TWF2: variants seen among roughly 807,000 people sequenced by gnomAD.
TWF2 encodes twinfilin actin binding protein 2, also known as twinfilin-2.
A neutral mutation model predicts 45.1 loss-of-function variants in TWF2; 15 were observed. The ratio of observed to expected loss-of-function variants is 0.33; its 90% CI spans 0.22 to 0.51. The LOEUF (loss-of-function observed/expected upper bound fraction) is 0.51. Among genes scored for constraint, TWF2 ranks in the 20% least tolerant of loss-of-function variants. The pLI, the probability that TWF2 is intolerant of heterozygous loss-of-function variation, is 0.97. For synonymous variants in TWF2, 177 were observed against 195.8 expected (o/e 0.90, Z 0.80); for missense variants, 423 against 469.1 (o/e 0.90, Z 0.91).
intron 2 of TWF2, among the ~76,000 whole-genome samples, chr3:52,234,124 C>G (rs984645277): frequency 1.3e-5 from 2 of 152,134 alleles, no homozygotes; most frequent in Admixed American, 1.3e-4. Flanking sequence ...GGGCAAAGCA[C>G]TGCCAAGGCC....
At chr3:52,235,938 C>T (rs1456232220) in intron 1 of TWF2, among the ~76,000 whole-genome samples, 5 of 152,154 alleles carry the variant, frequency 3.3e-5, no homozygotes, top group African/African-American at 7.2e-5. Flanking sequence ...GGGGGGACAA[C>T]ATGACCTTAA....
rs775532389 is a variant in TWF2 at position 52,230,056 on chromosome 3, C to T, written c.624G>A (p.Glu208=). 6.9e-6 allele frequency: 11 copies of T among 1,595,042 alleles called. No individual in the cohort carries two copies. The South Asian group carries it at 1.0e-4, about 15-fold the overall frequency. The change falls in exon 7 of 9, where the codon GAG becomes GAA. Residue 208 remains glutamate, a synonymous_variant. Coordinates refer to ENST00000305533, the MANE Select transcript of TWF2 (RefSeq NM_007284.4). ...TGTGCACCAGCTCAATGGTTTCCCG[C>T]TCTAGGTCCAGCTTCTGCCCAGGGC... ...VNYIQMKLDL[E]RETIELVHTE...
chr3:52,236,450 A>G (rs1435863371), intron 1 of TWF2, among the ~76,000 whole-genome samples: 3 of 152,164 alleles, frequency 2.0e-5, no homozygotes, highest in African/African-American at 7.2e-5. Flanking sequence ...ACTAGTGGAC[A>G]GGGAAACCAC....
At position 52,231,235 on chromosome 3, in the gene TWF2, C is replaced by A. The variant is rs757285568; in HGVS notation, c.379-4G>T. On this transcript the variant is annotated splice_polypyrimidine_tract_variant and splice_region_variant and intron_variant, in intron 4 of 8. Coordinates refer to ENST00000305533, the MANE Select transcript of TWF2 (RefSeq NM_007284.4). ...ACCCAGCAAAAGAGAGGTCATCCTGCAGGGGTGGGGGTGAATGCAGAGCCA... is the reference window on the plus strand; with the variant it reads ...ACCCAGCAAAAGAGAGGTCATCCTGAAGGGGTGGGGGTGAATGCAGAGCCA... 4.3e-6 allele frequency: 7 copies of A among 1,613,944 alleles called. No individual in the cohort carries two copies. The highest frequency in any genetic ancestry group is 1.7e-4 in the Middle Eastern group (1 of 6,056).
intron 6 of TWF2, 148 bp downstream of exon 6, chr3:52,230,721 TG>T: frequency 2.4e-6 from 3 of 1,240,536 alleles, no homozygotes; most frequent in Non-Finnish European, 3.3e-6. Context: ...AGGGGTGGGG[TG>T]GACCATGTGT....
At position 52,229,641 on chromosome 3, in the gene TWF2, G is replaced by A. The variant is rs377341844; in HGVS notation, c.882+20C>T. The A allele has an allele frequency of 3.4e-5, 55 of 1,612,584 alleles. No homozygotes were observed. In the African/African-American group the frequency reaches 5.6e-4, roughly 16 times the overall value. On this transcript the variant is annotated intron_variant, in intron 8 of 8. Coordinates refer to ENST00000305533, the MANE Select transcript of TWF2 (RefSeq NM_007284.4). ...GAGTGATAGGGCCTGGGGAGGTGAG[G>A]CCCTGGGGAGGGCGCCTACTTTCTT... is the stretch of plus-strand genomic sequence containing the variant.
In TWF2 at chr3:52,229,211, G is replaced by A. The variant is rs369522681; in HGVS notation, c.883-10C>T. On this transcript the variant is annotated splice_polypyrimidine_tract_variant and intron_variant, in intron 8 of 8. Coordinates refer to ENST00000305533, the MANE Select transcript of TWF2 (RefSeq NM_007284.4). ...CATCGCCAATCTCAATCTGCATGGG[G>A]CAAGGCAGTGGTCACCCCAATGGGA... 9 of 1,608,932 alleles carry A rather than the reference G, an allele frequency of 5.6e-6. No individual in the cohort carries two copies. Among genetic ancestry groups the A allele is most frequent in the Middle Eastern group, 1.8e-4 (1 of 5,462 alleles).
chr3:52,238,736 C>G (rs532179972), intron 1 of TWF2, among the ~76,000 whole-genome samples: 43 of 152,334 alleles, frequency 2.8e-4, no homozygotes, highest in African/African-American at 1.0e-3. Flanking sequence ...TGGGCACACA[C>G]AGCCACATTC....
At chr3:52,229,857 C>A in intron 7 of TWF2, 63 bp downstream of exon 7, 2 of 1,594,218 alleles carry the variant, frequency 1.3e-6, no homozygotes, top group South Asian at 2.2e-5. Context: ...AGGCCTGCCC[C>A]ACTGCAGACC....
At chr3:52,233,142 C>A (rs143318659) in intron 2 of TWF2, among the ~76,000 whole-genome samples, 11 of 152,350 alleles carry the variant, frequency 7.2e-5, no homozygotes, top group Non-Finnish European at 4.4e-5. Context: ...CATCTGGGCA[C>A]CAGACACCAG....
chr3:52,235,568 C>G (rs1043991409), intron 1 of TWF2, among the ~76,000 whole-genome samples: 17 of 152,168 alleles, frequency 1.1e-4, no homozygotes, highest in Non-Finnish European at 2.4e-4. Context: ...ACACACAGCT[C>G]AATCCAGCAT....
At chr3:52,234,230 T>C (rs11717574) in intron 2 of TWF2, among the ~76,000 whole-genome samples, 27,024 of 152,102 alleles carry the variant, frequency 0.18, 2,984 homozygotes, top group African/African-American at 0.3. Flanking sequence ...CCAAAGTGCC[T>C]GCTGCTGAAT....
In TWF2 at chr3:52,232,844, C is replaced by G. The variant is rs550510621; in HGVS notation, c.104-722G>C. 5.3e-5 allele frequency among the ~76,000 whole-genome samples: 8 copies of G among 152,270 alleles called. No homozygotes were observed. The South Asian group carries it at 1.7e-3, about 32-fold the overall frequency. On this transcript the variant is annotated intron_variant, in intron 2 of 8. Coordinates refer to ENST00000305533, the MANE Select transcript of TWF2 (RefSeq NM_007284.4). ...CCACCCTGACCAACATGGAGAAACC[C>G]CGTCTCTACTAAAAATACAAAATTA... is the stretch of plus-strand genomic sequence containing the variant.
Position 52,229,703 on chromosome 3 carries a change from G to C in TWF2, c.840C>G (p.Leu280=), listed in dbSNP as rs559788903. 1 of 1,613,284 alleles carries C rather than the reference G, an allele frequency of 6.2e-7. No individual in the cohort carries two copies. The highest frequency in any genetic ancestry group is 2.2e-5 in the East Asian group (1 of 44,900). Residue 280 remains leucine (L), a synonymous_variant, in exon 8 of 9, where the codon CTC becomes CTG. Coordinates refer to ENST00000305533, the MANE Select transcript of TWF2 (RefSeq NM_007284.4). The stretch of plus-strand genomic sequence containing the variant: ...GATGGAAGTCCTGCTCCACGGAGTC[G>C]AGGAGGCGGCTCTTGCAGCTGGAGT... ...MLYSSCKSRL[L]DSVEQDFHLE...
rs1353477277 is a variant in TWF2, at chr3:52,230,851, G to A, written c.609+19C>T. On this transcript the variant is annotated intron_variant, in intron 6 of 8. Coordinates refer to ENST00000305533, the MANE Select transcript of TWF2 (RefSeq NM_007284.4). Reference sequence around the variant, plus strand: ...AGGGGTGGTGGCAGCATGTGCCAGGGTAGGGAGCAGGCACCCACCATCTGG... The same window carrying A: ...AGGGGTGGTGGCAGCATGTGCCAGGATAGGGAGCAGGCACCCACCATCTGG... 4 of 1,609,178 alleles carry A rather than the reference G, an allele frequency of 2.5e-6. No homozygotes were observed. Among genetic ancestry groups the A allele is most frequent in the East Asian group, 4.5e-5 (2 of 44,746 alleles).
rs1400783654 is a variant in TWF2 at position 52,239,021 on chromosome 3, C to A, written c.-5G>T. The A allele has an allele frequency of 1.3e-6, 2 of 1,595,390 alleles. No individual in the cohort carries two copies. The highest frequency in any genetic ancestry group is 4.5e-5 in the East Asian group (2 of 44,746). On this transcript the variant is annotated 5_prime_UTR_variant, in exon 1 of 9. Coordinates refer to ENST00000305533, the MANE Select transcript of TWF2 (RefSeq NM_007284.4). ...GATGCCCGTTTGGTGCGCCATGGCT[C>A]GGCGCTTCGCTCCGTCCGCGCCGTC...
At chr3:52,231,713 C>T (rs1449977633) in intron 3 of TWF2, among the ~76,000 whole-genome samples, 174 bp from the exon 4 acceptor site, 1 of 152,216 alleles carries the variant, frequency 6.6e-6, no homozygotes, top group Non-Finnish European at 1.5e-5. Flanking sequence ...AGCCCTCGTC[C>T]AGCCTGATCA....
chr3:52,231,545 G>A lies in TWF2; in HGVS notation c.283-6C>T. Reference sequence around the variant, plus strand: ...TACAGCATCTTCAGCCGCACCTGAAGGGCAAGGGCCAAACCGTAAGAGGCC... The same window carrying A: ...TACAGCATCTTCAGCCGCACCTGAAAGGCAAGGGCCAAACCGTAAGAGGCC... On this transcript the variant is annotated splice_region_variant and splice_polypyrimidine_tract_variant and intron_variant, in intron 3 of 8. Coordinates refer to ENST00000305533, the MANE Select transcript of TWF2 (RefSeq NM_007284.4). 6.2e-7 allele frequency: 1 copy of A among 1,611,576 alleles called. No individual in the cohort carries two copies. The highest frequency in any genetic ancestry group is 2.2e-5 in the East Asian group (1 of 44,880).
chr3:52,232,052 C>T lies in TWF2; in HGVS notation c.174G>A (p.Leu58=). The T allele has an allele frequency of 6.2e-7, 1 of 1,613,856 alleles. No individual in the cohort carries two copies. The highest frequency in any genetic ancestry group is 1.1e-5 in the South Asian group (1 of 91,090). ...RWDQDYDRAV[L]PLLDAQQPCY... ...AGGGCTGCTGGGCGTCCAGCAGTGGCAGCACGGCCCTGTCATAGTCCTGAT... is the reference window on the plus strand; with the variant it reads ...AGGGCTGCTGGGCGTCCAGCAGTGGTAGCACGGCCCTGTCATAGTCCTGAT... Residue 58 remains leucine (L), a synonymous_variant, in exon 3 of 9, where the codon CTG becomes CTA. Coordinates refer to ENST00000305533, the MANE Select transcript of TWF2 (RefSeq NM_007284.4).
Sources: gnomAD v4.1 joint callset for allele counts (sites outside exome capture counted in the v4.1 genomes callset) on GRCh38, gnomAD v4.1.1 for gene constraint, MANE v1.5 for transcripts, NCBI Gene and HGNC (gene_info 2026-07-23, HGNC 2026-07-21) for gene names.